Variants in VSNL1 observed in about 807,000 individuals in gnomAD.
VSNL1 encodes the protein visinin-like protein 1.
Under a neutral mutation model 20.4 loss-of-function variants are expected in VSNL1, and 6 were observed. The observed-to-expected ratio is 0.29, with a 90% CI of 0.16 to 0.58. The LOEUF (loss-of-function observed/expected upper bound fraction) is 0.58. Among genes scored for constraint, VSNL1 ranks in the 20% least tolerant of loss-of-function variants. VSNL1 has a pLI of 0.90. For missense variants in VSNL1, 100 were observed against 234.5 expected, an observed-to-expected ratio of 0.43 and a Z score of 3.75; for synonymous variants, 93 against 86.4, an observed-to-expected ratio of 1.08 and a Z score of -0.42.
chr2:17,566,613 A>G (rs1370017519), intron 1 of VSNL1, among the ~76,000 whole-genome samples: 1 of 152,066 alleles, frequency 6.6e-6, no homozygotes, highest in Non-Finnish European at 1.5e-5. Context: ...CTGAATGCAA[A>G]CTATTTGTTA....
chr2:17,656,186 T>A lies in VSNL1; in HGVS notation c.*792T>A, dbSNP rs1212032636. 3 of 152,244 alleles carry A rather than the reference T, an allele frequency of 2.0e-5. No homozygotes were observed. Among genetic ancestry groups the A allele is most frequent in the Non-Finnish European group, 4.4e-5 (3 of 68,048 alleles). The allele number at this position is 152,244 out of a possible 1,614,324, so 9.4% of individuals were successfully genotyped here. The stretch of plus-strand genomic sequence containing the variant: ...CCAAATAAATTTATAACAATTGATT[T>A]TCCCCCTAATTCTTATTTTATAATT... On this transcript the variant is annotated 3_prime_UTR_variant, in exon 4 of 4. Coordinates refer to ENST00000295156, the MANE Select transcript of VSNL1 (RefSeq NM_003385.5).
intron 1 of VSNL1, among the ~76,000 whole-genome samples, chr2:17,557,561 T>C (rs1663715219): frequency 6.6e-6 from 1 of 152,172 alleles, no homozygotes; most frequent in Non-Finnish European, 1.5e-5. Flanking sequence ...AATAATAGAC[T>C]CCAGGAAAAT....
intron 2 of VSNL1, among the ~76,000 whole-genome samples, chr2:17,644,109 A>C (rs887624917): frequency 1.5e-4 from 23 of 152,192 alleles, no homozygotes; most frequent in African/African-American, 5.6e-4. Flanking sequence ...CAGTGTAGGG[A>C]AAGTTAGGAA....
At chr2:17,561,782 GAA>G (rs1663821479) in intron 1 of VSNL1, among the ~76,000 whole-genome samples, 2 of 152,098 alleles carry the variant, frequency 1.3e-5, no homozygotes, top group African/African-American at 2.4e-5. Context: ...TGTAAGGAAA[GAA>G]AAAGAGGAGA....
At chr2:17,651,180 T>C (rs530203339) in intron 3 of VSNL1, among the ~76,000 whole-genome samples, 1 of 152,190 alleles carries the variant, frequency 6.6e-6, no homozygotes, top group Non-Finnish European at 1.5e-5. Flanking sequence ...CTCCAAAACT[T>C]TTCTCTCTAA....
rs182514061 is a variant in VSNL1 at position 17,631,623 on chromosome 2, C to T, written c.163-17787C>T. Among the ~76,000 whole-genome samples the T allele has an allele frequency of 3.7e-4, 57 of 152,234 alleles. 1 individual carries two copies. In the East Asian group the frequency reaches 9.5e-3, roughly 25 times the overall value. ...ATAAAACACTTTAAGGTATTAATAA[C>T]AGTGAAGACGTTTTAAACCATTGTC... On this transcript the variant is annotated intron_variant, in intron 2 of 3. Coordinates refer to ENST00000295156, the MANE Select transcript of VSNL1 (RefSeq NM_003385.5).
chr2:17,639,860 C>T (rs981109885), intron 2 of VSNL1, among the ~76,000 whole-genome samples: 2 of 152,176 alleles, frequency 1.3e-5, no homozygotes, highest in African/African-American at 2.4e-5. Context: ...AACCCAATAC[C>T]GGGCATTCTG....
chr2:17,593,607 A>C lies in VSNL1; in HGVS notation c.162+1371A>C, dbSNP rs1218743519. 2.0e-5 allele frequency among the ~76,000 whole-genome samples: 3 copies of C among 152,308 alleles called. No homozygotes were observed. In the East Asian group the frequency reaches 5.8e-4, roughly 29 times the overall value. The stretch of plus-strand genomic sequence containing the variant: ...TTGTGTTCAAAGTCATAACTGTTGC[A>C]AGTGTTTATTGCATCATTAAAAGCT... On this transcript the variant is annotated intron_variant, in intron 2 of 3. Transcript: ENST00000295156.
At chr2:17,605,932 C>T (rs772470447) in intron 2 of VSNL1, among the ~76,000 whole-genome samples, 3 of 152,222 alleles carry the variant, frequency 2.0e-5, no homozygotes, top group Admixed American at 1.3e-4. Context: ...AGCCAACATT[C>T]GTTGAATGCT....
intron 2 of VSNL1, among the ~76,000 whole-genome samples, chr2:17,646,767 G>A (rs554880249): frequency 6.6e-6 from 1 of 152,142 alleles, no homozygotes; most frequent in East Asian, 1.9e-4. Flanking sequence ...ACAAGAGTAC[G>A]CAAAAAAAGA....
intron 1 of VSNL1, among the ~76,000 whole-genome samples, chr2:17,559,177 A>G (rs1663755293): frequency 6.6e-6 from 1 of 152,174 alleles, no homozygotes; most frequent in South Asian, 2.1e-4. Context: ...TGTTAAGGAC[A>G]CTTCCCTAAG....
intron 1 of VSNL1, chr2:17,541,330 T>C (rs476060): frequency 0.94 from 143,016 of 152,230 alleles, 67,816 homozygotes; most frequent in East Asian, 1. Flanking sequence ...TTTTTCTCAC[T>C]GTGGAAGGGC....
At chr2:17,582,008 G>A (rs1310685575) in intron 1 of VSNL1, among the ~76,000 whole-genome samples, 2 of 152,218 alleles carry the variant, frequency 1.3e-5, no homozygotes, top group Non-Finnish European at 2.9e-5. Flanking sequence ...AAAAGAAGAA[G>A]TAGCCGTACA....
chr2:17,603,718 A>G lies in VSNL1; in HGVS notation c.162+11482A>G, dbSNP rs567147648. 2.6e-5 allele frequency among the ~76,000 whole-genome samples: 4 copies of G among 152,344 alleles called. No homozygotes were observed. In the East Asian group the frequency reaches 5.8e-4, roughly 22 times the overall value. Reference sequence around the variant, plus strand: ...GATCAGATGGTTTTCTGCATAGACAACTAATCCACAAACTGCCAAACGTGT... The same window carrying G: ...GATCAGATGGTTTTCTGCATAGACAGCTAATCCACAAACTGCCAAACGTGT... On this transcript the variant is annotated intron_variant, in intron 2 of 3. Coordinates refer to ENST00000295156, the MANE Select transcript of VSNL1 (RefSeq NM_003385.5).
Position 17,626,490 on chromosome 2 carries a change from A to G in VSNL1, c.163-22920A>G, listed in dbSNP as rs1386864320. On this transcript the variant is annotated intron_variant, in intron 2 of 3. Transcript: ENST00000295156. ...AAGCGACAGCCAGTCAGGGAGCAAA[A>G]TGCCCATTTCCTGCCATTCTCATAG... Among the ~76,000 whole-genome samples, 4 of 152,300 alleles carry G rather than the reference A, an allele frequency of 2.6e-5. No individual in the cohort carries two copies. The South Asian group carries it at 6.2e-4, about 24-fold the overall frequency.
chr2:17,572,631 G>T (rs1664109993), intron 1 of VSNL1, among the ~76,000 whole-genome samples: 1 of 152,210 alleles, frequency 6.6e-6, no homozygotes, highest in African/African-American at 2.4e-5. Flanking sequence ...TGTAAGAGAG[G>T]TTCTATAGCT....
chr2:17,561,806 T>A (rs904967325), intron 1 of VSNL1, among the ~76,000 whole-genome samples: 1 of 152,164 alleles, frequency 6.6e-6, no homozygotes, highest in Non-Finnish European at 1.5e-5. Flanking sequence ...AGAGACTGTT[T>A]ATGAATGATT....
intron 2 of VSNL1, among the ~76,000 whole-genome samples, chr2:17,623,412 G>C (rs1343939616): frequency 6.6e-6 from 1 of 152,028 alleles, no homozygotes; most frequent in East Asian, 1.9e-4. Flanking sequence ...GCTCACGTCT[G>C]TAATCCCAGC....
chr2:17,576,123 A>G lies in VSNL1; in HGVS notation c.-5-15947A>G, dbSNP rs567553840. On this transcript the variant is annotated intron_variant, in intron 1 of 3. Transcript: ENST00000295156. ...TAGTCCACACTTTTTATTCATTTGT[A>G]AGCAGCAAGAGAGGAAAACAATTGT... Among the ~76,000 whole-genome samples, 5 of 152,312 alleles carry G rather than the reference A, an allele frequency of 3.3e-5. No homozygotes were observed. In the South Asian group the frequency reaches 1.0e-3, roughly 32 times the overall value.
Sources: allele counts gnomAD v4.1 joint callset (sites outside exome capture counted in the v4.1 genomes callset), GRCh38; gene constraint gnomAD v4.1.1; transcripts MANE v1.5; gene names NCBI Gene and HGNC (gene_info 2026-07-23, HGNC 2026-07-21).